STXBP6: variants seen among roughly 807,000 people sequenced by gnomAD.
STXBP6 encodes the protein syntaxin binding protein 6.
Under a neutral mutation model 26.9 loss-of-function variants are expected in STXBP6, and 21 were observed. The observed-to-expected ratio is 0.78, with a 90% CI of 0.55 to 1.12. The LOEUF (loss-of-function observed/expected upper bound fraction) is 1.12. Ranked by LOEUF, STXBP6 falls within the 50% of genes most tolerant of loss-of-function variation. STXBP6 has a pLI of 0.00. For missense variants in STXBP6, 232 were observed against 257.9 expected (o/e 0.90, Z 0.69); for synonymous variants, 97 against 92.6 (o/e 1.05, Z -0.27).
At chr14:24,823,336 T>C (rs916847093) in intron 4 of STXBP6, among the ~76,000 whole-genome samples, 12 of 152,072 alleles carry the variant, frequency 7.9e-5, no homozygotes, top group Non-Finnish European at 1.5e-4. Context: ...TAAAGTATAT[T>C]GAGAAGTGAT....
In STXBP6 at chr14:24,906,793, TATC is replaced by T. The variant is rs1490476431; in HGVS notation, c.155-49639_155-49637del. Among the ~76,000 whole-genome samples, 5 of 152,246 alleles carry T rather than the reference TATC, an allele frequency of 3.3e-5. No homozygotes were observed. The East Asian group carries it at 5.8e-4, about 18-fold the overall frequency. The stretch of plus-strand genomic sequence containing the variant: ...ATAGTAAATTGATGTAGTAGGAAAA[TATC>T]AGGTCAAGGAGATGAGTTGTCTACT... On this transcript the variant is annotated intron_variant, in intron 2 of 5. Coordinates refer to ENST00000323944, the MANE Select transcript of STXBP6 (RefSeq NM_001394410.1).
intron 2 of STXBP6, among the ~76,000 whole-genome samples, chr14:24,914,886 T>C (rs1165270434): frequency 6.6e-6 from 1 of 152,228 alleles, no homozygotes; most frequent in Admixed American, 6.5e-5. Context: ...TTGCTCATTT[T>C]CAGAAAATCA....
chr14:24,927,629 C>G (rs2072226262), intron 2 of STXBP6, among the ~76,000 whole-genome samples: 1 of 152,182 alleles, frequency 6.6e-6, no homozygotes, highest in African/African-American at 2.4e-5. Flanking sequence ...CTGACGTTGT[C>G]TTTTTCTCTG....
At chr14:24,993,354 T>C (rs2074521846) in intron 1 of STXBP6, among the ~76,000 whole-genome samples, 1 of 152,144 alleles carries the variant, frequency 6.6e-6, no homozygotes, top group African/African-American at 2.4e-5. Context: ...CCTCCTTTAT[T>C]CTCACTGATC....
intron 1 of STXBP6, among the ~76,000 whole-genome samples, chr14:25,045,447 G>A (rs1392555283): frequency 6.6e-6 from 1 of 151,780 alleles, no homozygotes; most frequent in African/African-American, 2.4e-5. Flanking sequence ...TCAATCAGCT[G>A]GACAGCATTG....
At chr14:24,869,815 A>C (rs1430208427) in intron 2 of STXBP6, among the ~76,000 whole-genome samples, 1 of 152,184 alleles carries the variant, frequency 6.6e-6, no homozygotes, top group Non-Finnish European at 1.5e-5. Context: ...AACAGTCACC[A>C]GATTGAGCAT....
intron 2 of STXBP6, among the ~76,000 whole-genome samples, chr14:24,946,975 CAAAAT>C (rs1353087759): frequency 6.6e-6 from 1 of 151,938 alleles, no homozygotes; most frequent in African/African-American, 2.4e-5. Context: ...TTTTGTAACT[CAAAAT>C]GAAAAGCTAC....
intron 2 of STXBP6, among the ~76,000 whole-genome samples, chr14:24,917,662 A>G (rs2071816348): frequency 6.6e-6 from 1 of 152,162 alleles, no homozygotes; most frequent in African/African-American, 2.4e-5. Context: ...TTAGAAAAAG[A>G]CATAGATAAC....
At chr14:24,969,466 G>T (rs2073837076) in intron 2 of STXBP6, among the ~76,000 whole-genome samples, 1 of 152,192 alleles carries the variant, frequency 6.6e-6, no homozygotes, top group African/African-American at 2.4e-5. Context: ...TTCTAGTTTA[G>T]CTTTATAGAC....
intron 2 of STXBP6, among the ~76,000 whole-genome samples, chr14:24,911,679 A>T (rs1175554699): frequency 6.6e-6 from 1 of 152,104 alleles, no homozygotes; most frequent in Non-Finnish European, 1.5e-5. Context: ...CCTTTACACA[A>T]CCACAGTGAA....
chr14:24,829,845 A>AAAAAAATATGTGTAGGGGTGTGTATGTGT (rs2068404919), intron 4 of STXBP6, among the ~76,000 whole-genome samples: 1 of 152,128 alleles, frequency 6.6e-6, no homozygotes, highest in African/African-American at 2.4e-5. Context: ...GTGTATGGTT[A>AAAAAAATATGTGTAGGGGTGTGTATGTGT]AAAAAATATG....
intron 2 of STXBP6, among the ~76,000 whole-genome samples, chr14:24,947,304 C>T (rs1412969326): frequency 7.2e-5 from 11 of 152,096 alleles, no homozygotes. Context: ...GAATGACAGC[C>T]ATGATGGGAA....
At chr14:24,901,914 GT>G in intron 2 of STXBP6, among the ~76,000 whole-genome samples, 2 of 152,234 alleles carry the variant, frequency 1.3e-5, no homozygotes, top group East Asian at 3.9e-4. Flanking sequence ...AATGTTCTGT[GT>G]TTTGATCTGG....
At chr14:24,818,141 A>C (rs1198270080) in intron 5 of STXBP6, 2 of 456,628 alleles carry the variant, frequency 4.4e-6, no homozygotes, top group Admixed American at 4.7e-5. Context: ...CCAGATCATA[A>C]GCCTGACATG....
intron 1 of STXBP6, among the ~76,000 whole-genome samples, chr14:24,993,441 C>T (rs541374585): frequency 1.3e-5 from 2 of 152,176 alleles, no homozygotes. Flanking sequence ...GCTTCTCTTT[C>T]TTGCCATTGC....
chr14:24,852,634 G>C lies in STXBP6; in HGVS notation c.451+3302C>G, dbSNP rs756270661. Among the ~76,000 whole-genome samples the C allele has an allele frequency of 5.3e-5, 8 of 152,116 alleles. 2 individuals are homozygous for C. Among genetic ancestry groups the C allele is most frequent in the Admixed American group, 3.9e-4 (6 of 15,270 alleles). On this transcript the variant is annotated intron_variant, in intron 4 of 5. Transcript: ENST00000323944. The stretch of plus-strand genomic sequence containing the variant: ...TGATTTTAAAGGTGCTTGATGACTC[G>C]ATTGTTCTTAGGATGAAAAAAATAG...
chr14:24,940,066 C>T (rs1010994215), intron 2 of STXBP6, among the ~76,000 whole-genome samples: 2 of 152,198 alleles, frequency 1.3e-5, no homozygotes, highest in African/African-American at 4.8e-5. Flanking sequence ...TTTGAGAAAT[C>T]TGATATATTC....
intron 1 of STXBP6, among the ~76,000 whole-genome samples, chr14:25,017,967 T>A (rs2075186158): frequency 6.6e-6 from 1 of 152,170 alleles, no homozygotes; most frequent in Non-Finnish European, 1.5e-5. Flanking sequence ...TCTTTCCAAA[T>A]GCTCTTGGTC....
intron 1 of STXBP6, among the ~76,000 whole-genome samples, chr14:25,007,938 G>A (rs765972778): frequency 2.5e-4 from 38 of 152,150 alleles, no homozygotes; most frequent in African/African-American, 4.8e-4. Flanking sequence ...GACTGGACAC[G>A]CTTCTGCTAA....
Sources: allele counts gnomAD v4.1 joint callset (sites outside exome capture counted in the v4.1 genomes callset), GRCh38; gene constraint gnomAD v4.1.1; transcripts MANE v1.5; gene names NCBI Gene and HGNC (gene_info 2026-07-23, HGNC 2026-07-21).